The following GSE1 variants were observed in gnomAD, a reference collection of about 807,000 sequenced individuals.
GSE1 encodes the protein Gse1 coiled-coil protein.
A neutral mutation model predicts 112.6 loss-of-function variants in GSE1; 32 were observed. The ratio of observed to expected loss-of-function variants is 0.28; its 90% CI spans 0.21 to 0.38. The LOEUF is 0.38. Among genes scored for constraint, GSE1 ranks in the 10% least tolerant of loss-of-function variants. The pLI is 1.00. For missense variants in GSE1, 2,348 were observed against 1,699.2 expected (o/e 1.38, Z -6.71); for synonymous variants, 1,115 against 735.6 (o/e 1.52, Z -8.35).
At chr16:85,559,653 GCTCTGCCTC>G (rs57506816) in intron 1 of GSE1, among the ~76,000 whole-genome samples, 80,079 of 151,532 alleles carry the variant, frequency 0.53, 21,513 homozygotes, top group East Asian at 0.79. Flanking sequence ...TTGAAGTCAG[GCTCTGCCTC>G]TCCTGAGCTG....
upstream of GSE1, chr16:85,613,081 G>C (rs895725826): frequency 4.6e-6 from 3 of 651,082 alleles, no homozygotes; most frequent in African/African-American, 5.8e-5. Flanking sequence ...TGGGCGGGTG[G>C]ATCCGGGCGC....
At chr16:85,299,665 C>T (rs924695986) in intron 1 of GSE1, among the ~76,000 whole-genome samples, 1 of 152,212 alleles carries the variant, frequency 6.6e-6, no homozygotes, top group Non-Finnish European at 1.5e-5. Flanking sequence ...AGGTAGCTCA[C>T]ACCTATAATC....
At position 85,308,164 on chromosome 16, in the gene GSE1, C is replaced by T. The variant is rs190420019; in HGVS notation, c.2284-49299C>T. On this transcript the variant is annotated intron_variant, in intron 1 of 2. Coordinates refer to the GSE1 transcript ENST00000637419. ...CGGTTTCCTTGTATTTCACCTAGAA[C>T]GCTGAGCTGCTCTTCTCTTTGAATT... is the stretch of plus-strand genomic sequence containing the variant. 7.6e-4 allele frequency among the ~76,000 whole-genome samples: 116 copies of T among 152,304 alleles called. 1 individual carries two copies. The East Asian group carries it at 0.02, about 26-fold the overall frequency.
At chr16:85,621,053 A>T (rs993918214) in intron 1 of GSE1, among the ~76,000 whole-genome samples, 1 of 149,842 alleles carries the variant, frequency 6.7e-6, no homozygotes, top group African/African-American at 2.5e-5. Context: ...TGTGTGGGGG[A>T]ACCCATTTAG....
At chr16:85,465,211 G>C (rs1567508897) in intron 2 of GSE1, among the ~76,000 whole-genome samples, 1 of 152,210 alleles carries the variant, frequency 6.6e-6, no homozygotes, top group Non-Finnish European at 1.5e-5. Flanking sequence ...GGGAATCCTG[G>C]GCTCCTCCAT....
intron 3 of GSE1, among the ~76,000 whole-genome samples, chr16:85,649,072 C>T (rs1430075974): frequency 6.6e-6 from 1 of 152,192 alleles, no homozygotes; most frequent in African/African-American, 2.4e-5. Flanking sequence ...CCAGAGGCCT[C>T]TCCTGGGTTG....
At chr16:85,614,556 G>A (rs1212573649) in intron 1 of GSE1, among the ~76,000 whole-genome samples, 2 of 152,158 alleles carry the variant, frequency 1.3e-5, no homozygotes, top group East Asian at 1.9e-4. Flanking sequence ...ATTAGATGGG[G>A]GAGTGGAGGC....
intron 1 of GSE1, among the ~76,000 whole-genome samples, chr16:85,208,405 G>T (rs1247687617): frequency 6.6e-6 from 1 of 152,176 alleles, no homozygotes; most frequent in South Asian, 2.1e-4. Context: ...GCCTGCCTGG[G>T]GCTCGAGGGG....
intron 1 of GSE1, among the ~76,000 whole-genome samples, chr16:85,354,331 A>G (rs966162428): frequency 6.6e-6 from 1 of 152,204 alleles, no homozygotes; most frequent in African/African-American, 2.4e-5. Flanking sequence ...CACTCAGTTC[A>G]TCTCTTCCTG....
At chr16:85,612,213 C>A (rs2048034113), upstream of GSE1, among the ~76,000 whole-genome samples, 5 of 151,552 alleles carry the variant, frequency 3.3e-5, no homozygotes, top group South Asian at 1.0e-3. Context: ...CCCCGAGCTT[C>A]CTGGGGACGC....
chr16:85,623,760 A>G (rs772310076), intron 1 of GSE1, among the ~76,000 whole-genome samples: 5 of 152,186 alleles, frequency 3.3e-5, no homozygotes, highest in Non-Finnish European at 5.9e-5. Context: ...CTGAAGCTGG[A>G]GACCCTGGAC....
intron 3 of GSE1, 118 bp downstream of exon 3, chr16:85,648,869 C>A (rs1384233295): frequency 1.8e-6 from 1 of 551,618 alleles, no homozygotes; most frequent in Non-Finnish European, 3.1e-6. Context: ...CCCCCTCCCC[C>A]ACCCTGAGTT....
Position 85,373,882 on chromosome 16 carries a change from G to C in GSE1, c.2464+16239G>C, listed in dbSNP as rs2047355378. Among the ~76,000 whole-genome samples, 1 of 152,076 alleles carries C rather than the reference G, an allele frequency of 6.6e-6. No homozygotes were observed. Among genetic ancestry groups the C allele is most frequent in the Non-Finnish European group, 1.5e-5 (1 of 68,002 alleles). ...GGGCCAGTCTCTTTGTCTCTTTCAT[G>C]AGCGGCAGCCTCCAGGCACCCGCCC... On this transcript the variant is annotated intron_variant, in intron 2 of 2. Transcript: ENST00000637419. This position sits in a 1 kb window ranked among gnomAD's most constrained non-coding sequence, Gnocchi z 5.1.
In GSE1 at chr16:85,247,256, C is replaced by T. The variant is rs564185765; in HGVS notation, c.2283+75449C>T. On this transcript the variant is annotated intron_variant, in intron 1 of 2. Transcript: ENST00000637419. ...CTCCCTGTCCATGCTCTGTCCCCAG[C>T]ACCTAGAAAAGACCTAGTGGGTAGG... Among the ~76,000 whole-genome samples the T allele has an allele frequency of 3.9e-5, 6 of 152,284 alleles. No homozygotes were observed. The South Asian group carries it at 6.2e-4, about 16-fold the overall frequency.
intron 2 of GSE1, among the ~76,000 whole-genome samples, chr16:85,428,640 C>G (rs1016899761): frequency 6.6e-6 from 1 of 152,168 alleles, no homozygotes; most frequent in Admixed American, 6.5e-5. Flanking sequence ...CCCCTGAGGG[C>G]GGTCCTCTGA....
intron 2 of GSE1, among the ~76,000 whole-genome samples, chr16:85,548,851 T>G (rs1003564600): frequency 6.6e-6 from 1 of 152,084 alleles, no homozygotes; most frequent in Non-Finnish European, 1.5e-5. Context: ...GTGCAGTGGC[T>G]CGATCTCGGC....
At chr16:85,622,703 T>G (rs1324824272) in intron 1 of GSE1, among the ~76,000 whole-genome samples, 1 of 152,224 alleles carries the variant, frequency 6.6e-6, no homozygotes, top group Non-Finnish European at 1.5e-5. Flanking sequence ...CTTGGTGAGC[T>G]TGCTTTGATT....
intron 1 of GSE1, among the ~76,000 whole-genome samples, chr16:85,295,374 C>T (rs548668881): frequency 2.0e-5 from 3 of 152,348 alleles, no homozygotes; most frequent in East Asian, 1.9e-4. Flanking sequence ...AAGGTTCACG[C>T]GTGCTGCAGC....
intron 15 of GSE1, 128 bp from the exon 16 acceptor site, chr16:85,672,277 G>C: frequency 2.8e-6 from 2 of 702,970 alleles, no homozygotes; most frequent in Non-Finnish European, 5.0e-6. Flanking sequence ...TTACAGGCGT[G>C]AGCCACCACG....
Sources: gnomAD v4.1 joint callset for allele counts (sites outside exome capture counted in the v4.1 genomes callset) on GRCh38, gnomAD v4.1.1 for gene constraint, Gnocchi (gnomAD v3.1) non-coding constraint, MANE v1.5 for transcripts, NCBI Gene and HGNC (gene_info 2026-07-23, HGNC 2026-07-21) for gene names.